The following EIF2S3 variants were observed in gnomAD, a reference collection of about 807,000 sequenced individuals.
EIF2S3 encodes the protein eukaryotic translation initiation factor 2 subunit 3.
EIF2S3 carries 2 observed loss-of-function variants against 31.7 expected under a neutral mutation model. The observed-to-expected ratio is 0.06, with a 90% CI of 0.03 to 0.20. The LOEUF is 0.20. EIF2S3 is among the 10% of genes least tolerant of loss of function. The pLI, the probability that EIF2S3 is intolerant of heterozygous loss-of-function variation, is 1.00. For synonymous variants in EIF2S3, 120 were observed against 126.7 expected, an observed-to-expected ratio of 0.95 and a Z score of 0.36; for missense variants, 96 against 359.3, an observed-to-expected ratio of 0.27 and a Z score of 5.92.
chrX:24,055,017 C>T lies in EIF2S3; in HGVS notation c.49C>T (p.Arg17Cys). The T allele has an allele frequency of 1.7e-6, 2 of 1,211,185 alleles. No homozygotes were observed. The highest frequency in any genetic ancestry group is 2.2e-6 in the Non-Finnish European group (2 of 895,439). The stretch of plus-strand genomic sequence containing the variant: ...GACTCTAGGGCAGCCGCATCTTTCG[C>T]GTCAGGATCTCACCACCTTGGTGAG... ...GVTLGQPHLS[R>C]QDLTTLDVTK... Residue 17 changes from arginine (R) to cysteine (C), a missense_variant, in exon 1 of 12, where the codon CGT becomes TGT. Coordinates refer to ENST00000253039, the MANE Select transcript of EIF2S3 (RefSeq NM_001415.4).
intron 2 of EIF2S3, 102 bp downstream of exon 2, chrX:24,055,780 A>G: frequency 1.2e-6 from 1 of 815,082 alleles, no homozygotes; most frequent in Non-Finnish European, 1.8e-6. Flanking sequence ...GATATTCAAG[A>G]AATAGATACT....
chrX:24,060,807 C>T (rs142625695), intron 5 of EIF2S3, among the ~76,000 whole-genome samples: 2,003 of 107,248 alleles, frequency 0.019, 51 homozygotes, highest in African/African-American at 0.065. Context: ...ACTAAAAATA[C>T]AAAATTAGCC....
chrX:24,065,021 C>T (rs1163799863), intron 7 of EIF2S3, among the ~76,000 whole-genome samples: 2 of 111,755 alleles, frequency 1.8e-5, no homozygotes, highest in Non-Finnish European at 3.8e-5. Flanking sequence ...ATCACCTAGG[C>T]TTGTGGTTCC....
chrX:24,063,506 G>T (rs1036972066), intron 6 of EIF2S3, among the ~76,000 whole-genome samples: 1 of 111,565 alleles, frequency 9.0e-6, no homozygotes, highest in South Asian at 3.7e-4. Flanking sequence ...ATGGTTGGGC[G>T]TGGTAGCTCA....
chrX:24,078,634 G>A lies in EIF2S3; in HGVS notation c.*1849G>A, dbSNP rs1930794121. Among the ~76,000 whole-genome samples the A allele has an allele frequency of 8.9e-6, 1 of 111,966 alleles. No individual in the cohort carries two copies. Among genetic ancestry groups the A allele is most frequent in the African/African-American group, 3.2e-5 (1 of 30,849 alleles). On this transcript the variant is annotated 3_prime_UTR_variant, in exon 12 of 12. Coordinates refer to ENST00000253039, the MANE Select transcript of EIF2S3 (RefSeq NM_001415.4). ...TTAAATTTGCATTGAGATGGGATTT[G>A]AAGCATATTGTGCTCTTGTGAATGT...
intron 5 of EIF2S3, among the ~76,000 whole-genome samples, chrX:24,062,022 CAAT>C (rs1471196795): frequency 9.0e-6 from 1 of 111,421 alleles, no homozygotes; most frequent in Non-Finnish European, 1.9e-5. Flanking sequence ...GGATACCTGG[CAAT>C]AATATCTTCC....
At chrX:24,059,842 A>G (rs770801698) in intron 4 of EIF2S3, among the ~76,000 whole-genome samples, 4 of 112,030 alleles carry the variant, frequency 3.6e-5, no homozygotes, top group Admixed American at 2.9e-4. Context: ...TCTATACCAT[A>G]TTCATTTTCA....
chrX:24,058,596 G>A (rs1930443643), intron 4 of EIF2S3, among the ~76,000 whole-genome samples: 1 of 98,515 alleles, frequency 1.0e-5, no homozygotes, highest in Admixed American at 1.2e-4. Context: ...GCAGTGGTGC[G>A]ATCTTGGCTC....
At chrX:24,062,696 G>C (rs1464969860) in intron 6 of EIF2S3, 122 bp downstream of exon 6, 4 of 760,375 alleles carry the variant, frequency 5.3e-6, no homozygotes, top group Admixed American at 4.2e-5. Flanking sequence ...CAAGTCTTAA[G>C]CCTTATCGCC....
Position 24,075,650 on chromosome X carries a change from T to C in EIF2S3, c.1356-1072T>C, listed in dbSNP as rs16997673. 6.0e-3 allele frequency among the ~76,000 whole-genome samples: 673 copies of C among 111,920 alleles called. 7 individuals are homozygous for C. Among genetic ancestry groups the C allele is most frequent in the African/African-American group, 0.021 (646 of 30,861 alleles). On this transcript the variant is annotated intron_variant, in intron 11 of 11. Transcript: ENST00000253039. ...TAAGCTTTCCTTCTGCATTGTCTTA[T>C]ATAAACCCTCTAAATTAGACTGTTT...
intron 11 of EIF2S3, among the ~76,000 whole-genome samples, chrX:24,074,249 A>G (rs964478433): frequency 8.9e-6 from 1 of 112,393 alleles, no homozygotes; most frequent in Non-Finnish European, 1.9e-5. Context: ...GTTACTTTAT[A>G]GAATATTCCT....
chrX:24,062,103 G>A (rs768300533), intron 5 of EIF2S3, among the ~76,000 whole-genome samples: 1 of 110,918 alleles, frequency 9.0e-6, no homozygotes, highest in East Asian at 2.8e-4. Flanking sequence ...CGGGGAGTGG[G>A]TGGCAAAAGA....
chrX:24,072,541 C>T (rs759732863), intron 10 of EIF2S3, among the ~76,000 whole-genome samples: 19 of 111,539 alleles, frequency 1.7e-4, no homozygotes, highest in African/African-American at 3.9e-4. Context: ...CCCCAGCCTC[C>T]GAAAATGCTG....
chrX:24,068,454 T>A (rs1391531863), intron 9 of EIF2S3, among the ~76,000 whole-genome samples: 1 of 111,071 alleles, frequency 9.0e-6, no homozygotes, highest in African/African-American at 3.3e-5. Flanking sequence ...TTGCCTTTTT[T>A]TTTTTTGGGA....
chrX:24,073,237 T>C lies in EIF2S3; in HGVS notation c.1329T>C (p.Leu443=), dbSNP rs1930699058. Residue 443 remains leucine, a synonymous_variant, in exon 11 of 12, where the codon CTT becomes CTC. Transcript: ENST00000253039. ...CAGAGGTAGGAGAAAAAATTGCCCTTAGCCGAAGAGTTGAAAAACACTGGC... is the reference window on the plus strand; with the variant it reads ...CAGAGGTAGGAGAAAAAATTGCCCTCAGCCGAAGAGTTGAAAAACACTGGC... ...VCTEVGEKIA[L]SRRVEKHWRL... 2 of 1,209,067 alleles carry C rather than the reference T, an allele frequency of 1.7e-6. No homozygotes were observed. Among genetic ancestry groups the C allele is most frequent in the Admixed American group, 2.2e-5 (1 of 45,398 alleles).
chrX:24,058,044 C>T (rs1439764291), intron 4 of EIF2S3, among the ~76,000 whole-genome samples: 10 of 112,412 alleles, frequency 8.9e-5, no homozygotes, highest in African/African-American at 2.9e-4. Flanking sequence ...TTTTAAACAG[C>T]GCTGTTTCTG....
intron 2 of EIF2S3, 84 bp downstream of exon 2, chrX:24,055,762 AGGAT>A: frequency 1.1e-6 from 1 of 926,716 alleles, no homozygotes; most frequent in African/African-American, 1.9e-5. Flanking sequence ...GAATAGTATG[AGGAT>A]TCAGATATTC....
At chrX:24,069,376 C>CAA (rs1161413795) in intron 9 of EIF2S3, among the ~76,000 whole-genome samples, 127 of 43,984 alleles carry the variant, frequency 2.9e-3, no homozygotes, top group African/African-American at 7.9e-3. Context: ...CACTCTGTCT[C>CAA]AAAAAAAAAA....
Position 24,071,437 on chromosome X carries a change from G to A in EIF2S3, c.1013-121G>A, listed in dbSNP as rs759005270. 4.2e-6 allele frequency: 3 copies of A among 707,884 alleles called. No individual in the cohort carries two copies. The Admixed American group carries it at 1.1e-4, about 26-fold the overall frequency. The allele number at this position is 707,884 out of a possible 1,213,427, so 58.3% of individuals were successfully genotyped here. ...AACTCCTGAGCTCAGGCATCCACCT[G>A]CCTCGGCCTCCCAAAGTGCTGGGAT... On this transcript the variant is annotated intron_variant, in intron 9 of 11. Transcript: ENST00000253039.
Sources: gnomAD v4.1 joint callset for allele counts (sites outside exome capture counted in the v4.1 genomes callset) on GRCh38, gnomAD v4.1.1 for gene constraint, MANE v1.5 for transcripts, NCBI Gene and HGNC (gene_info 2026-07-23, HGNC 2026-07-21) for gene names.